The following VAT1L variants were observed in gnomAD, a reference collection of about 807,000 sequenced individuals.
VAT1L encodes the protein putative NADPH-dependent quinone oxidoreductase VAT1L.
In VAT1L, 34 loss-of-function variants were observed where a neutral mutation model predicts 44.1. That is an observed-to-expected ratio of 0.77 (90% CI 0.59 to 1.03). The LOEUF is 1.03. Among genes scored for constraint, VAT1L ranks in the 50% least tolerant of loss-of-function variants. The pLI is 0.00. For missense variants in VAT1L, 615 were observed against 538.8 expected (o/e 1.14, Z -1.40); for synonymous variants, 253 against 202.2 (o/e 1.25, Z -2.13).
chr16:77,977,580 C>T lies in VAT1L; in HGVS notation c.1162-17C>T. The T allele has an allele frequency of 6.2e-7, 1 of 1,612,986 alleles. No individual in the cohort carries two copies. The highest frequency in any genetic ancestry group is 2.2e-5 in the East Asian group (1 of 44,832). ...TGGGTTGCACAACCCTCAATAACAT[C>T]CTCTTTTGAATTACAGATGGCCAAT... On this transcript the variant is annotated splice_polypyrimidine_tract_variant and intron_variant, in intron 8 of 8. Coordinates refer to ENST00000302536, the MANE Select transcript of VAT1L (RefSeq NM_020927.3).
At chr16:77,832,000 T>TTC (rs34678491) in intron 3 of VAT1L, among the ~76,000 whole-genome samples, 11 of 149,746 alleles carry the variant, frequency 7.3e-5, no homozygotes, top group Non-Finnish European at 1.2e-4. Flanking sequence ...TTTTTTTTTT[T>TTC]GTATTTTAGT....
intron 7 of VAT1L, among the ~76,000 whole-genome samples, chr16:77,920,950 G>C (rs2017605252): frequency 6.8e-6 from 1 of 147,410 alleles, no homozygotes; most frequent in Non-Finnish European, 1.5e-5. Flanking sequence ...TGTGTGTGTA[G>C]TGTGTATGTG....
chr16:77,876,219 C>T (rs1179254780), intron 4 of VAT1L, 151 bp from the exon 5 acceptor site: 6 of 637,630 alleles, frequency 9.4e-6, no homozygotes, highest in African/African-American at 1.8e-5. Context: ...ACATATCCAC[C>T]TCCTGGGCTT....
At chr16:77,813,647 C>T (rs1327497348) in intron 1 of VAT1L, among the ~76,000 whole-genome samples, 1 of 152,176 alleles carries the variant, frequency 6.6e-6, no homozygotes, top group Non-Finnish European at 1.5e-5. Flanking sequence ...GGCTTTTCCA[C>T]GTATGCTTCC....
chr16:77,825,570 T>C, intron 3 of VAT1L, 109 bp downstream of exon 3: 1 of 1,265,024 alleles, frequency 7.9e-7, no homozygotes. Flanking sequence ...GAATCATCAC[T>C]ATGGTTCTGG....
intron 7 of VAT1L, among the ~76,000 whole-genome samples, chr16:77,928,249 C>G (rs369683297): frequency 6.6e-6 from 1 of 152,180 alleles, no homozygotes; most frequent in Non-Finnish European, 1.5e-5. Context: ...TCTCTCTGGT[C>G]ACCAGGCTTC....
rs146940402 is a variant in VAT1L, at chr16:77,969,488, G to C, written c.1078-2362G>C. ...GGTATCTGCTCCTCATTGACTGTCGGCTGGGGTCTGCCTTCAGTTTCTTGC... is the reference window on the plus strand; with the variant it reads ...GGTATCTGCTCCTCATTGACTGTCGCCTGGGGTCTGCCTTCAGTTTCTTGC... On this transcript the variant is annotated intron_variant, in intron 7 of 8. Coordinates refer to ENST00000302536, the MANE Select transcript of VAT1L (RefSeq NM_020927.3). Among the ~76,000 whole-genome samples the C allele has an allele frequency of 7.2e-5, 11 of 152,216 alleles. No homozygotes were observed. In the East Asian group the frequency reaches 2.1e-3, roughly 29 times the overall value.
chr16:77,940,569 T>A (rs7196258), intron 7 of VAT1L, among the ~76,000 whole-genome samples: 18,981 of 151,956 alleles, frequency 0.12, 1,248 homozygotes, highest in Middle Eastern at 0.21. Context: ...GGTCTTAAAC[T>A]CCTGACCACG....
intron 7 of VAT1L, among the ~76,000 whole-genome samples, chr16:77,921,332 G>A (rs1212620265): frequency 6.6e-6 from 1 of 152,144 alleles, no homozygotes; most frequent in Non-Finnish European, 1.5e-5. Context: ...GCACTGAGAC[G>A]TGTTGCATTA....
chr16:77,917,237 G>A (rs767282869), intron 7 of VAT1L, among the ~76,000 whole-genome samples: 2 of 152,118 alleles, frequency 1.3e-5, no homozygotes, highest in African/African-American at 2.4e-5. Flanking sequence ...CAAGAGACAG[G>A]AGGTAGGACC....
chr16:77,960,180 AC>A (rs1389733960), intron 7 of VAT1L, among the ~76,000 whole-genome samples: 2 of 152,088 alleles, frequency 1.3e-5, no homozygotes, highest in African/African-American at 4.8e-5. Context: ...GCTCCATGAG[AC>A]TGTAAAAGCC....
chr16:77,831,990 T>TTA (rs2016584579), intron 3 of VAT1L, among the ~76,000 whole-genome samples: 1 of 149,072 alleles, frequency 6.7e-6, no homozygotes, highest in African/African-American at 2.5e-5. Context: ...TAATTTTTTT[T>TTA]TTTTTTTTTT....
intron 7 of VAT1L, among the ~76,000 whole-genome samples, chr16:77,946,143 T>A (rs1018870247): frequency 6.6e-6 from 1 of 151,862 alleles, no homozygotes; most frequent in African/African-American, 2.4e-5. Context: ...TACAAAAAAA[T>A]TTGTGGACTG....
intron 6 of VAT1L, among the ~76,000 whole-genome samples, chr16:77,880,323 A>T (rs2017137400): frequency 6.6e-6 from 1 of 151,866 alleles, no homozygotes; most frequent in South Asian, 2.1e-4. Flanking sequence ...TACCCAGCGA[A>T]TTTATGTATT....
chr16:77,844,313 A>G (rs542421683), intron 3 of VAT1L, among the ~76,000 whole-genome samples: 3 of 152,328 alleles, frequency 2.0e-5, no homozygotes, highest in South Asian at 4.1e-4. Flanking sequence ...TAGCATTTAC[A>G]TTGTGCTAAG....
At chr16:77,948,194 C>T (rs142627461) in intron 7 of VAT1L, among the ~76,000 whole-genome samples, 23 of 152,330 alleles carry the variant, frequency 1.5e-4, no homozygotes, top group African/African-American at 4.8e-4. Flanking sequence ...TGACTGTCTC[C>T]ATGGCCACCT....
intron 7 of VAT1L, among the ~76,000 whole-genome samples, chr16:77,969,766 G>A (rs1176172188): frequency 3.3e-5 from 5 of 152,084 alleles, no homozygotes. Flanking sequence ...TTTAGAAGGT[G>A]TCTGCTACAA....
intron 4 of VAT1L, among the ~76,000 whole-genome samples, chr16:77,868,851 C>G (rs936729532): frequency 1.4e-4 from 21 of 152,250 alleles, no homozygotes; most frequent in Admixed American, 1.4e-3. Flanking sequence ...TGAGCAGCAT[C>G]CCTGGTCTCT....
intron 7 of VAT1L, among the ~76,000 whole-genome samples, chr16:77,930,767 G>A (rs574742107): frequency 7.9e-5 from 12 of 152,052 alleles, no homozygotes; most frequent in Admixed American, 7.2e-4. Flanking sequence ...GTTGTTCAAG[G>A]GGGCATGGAG....
Sources: gnomAD v4.1 joint callset for allele counts (sites outside exome capture counted in the v4.1 genomes callset) on GRCh38, gnomAD v4.1.1 for gene constraint, MANE v1.5 for transcripts, NCBI Gene and HGNC (gene_info 2026-07-23, HGNC 2026-07-21) for gene names.